ZXDC: variants seen among roughly 807,000 people sequenced by gnomAD.
The protein encoded by ZXDC is ZXD family zinc finger C, also known as zinc finger protein ZXDC.
ZXDC carries 58 observed loss-of-function variants against 63.6 expected under a neutral mutation model. The observed-to-expected ratio is 0.91, with a 90% CI of 0.74 to 1.13. The LOEUF is 1.13. ZXDC is among the 50% of genes most tolerant of loss of function. The probability of loss-of-function intolerance (pLI) is 0.00; values close to 1 mark genes in which losing one functional copy is unlikely to be tolerated. For missense variants in ZXDC, 1,133 were observed against 1,148.9 expected, an observed-to-expected ratio of 0.99 and a Z score of 0.20; for synonymous variants, 561 against 496.1, an observed-to-expected ratio of 1.13 and a Z score of -1.74.
At chr3:126,474,678 C>T (rs1392214189) in intron 1 of ZXDC, among the ~76,000 whole-genome samples, 2 of 152,238 alleles carry the variant, frequency 1.3e-5, no homozygotes, top group Non-Finnish European at 2.9e-5. Context: ...TGTGAAGATG[C>T]GTGCCGCTTT....
chr3:126,474,629 G>A (rs528061715), intron 1 of ZXDC, among the ~76,000 whole-genome samples: 4 of 151,670 alleles, frequency 2.6e-5, no homozygotes, highest in Non-Finnish European at 5.9e-5. Flanking sequence ...TGACGAGACT[G>A]AGGAAAATAA....
At chr3:126,473,408 C>G (rs1452804314) in intron 1 of ZXDC, among the ~76,000 whole-genome samples, 1 of 152,210 alleles carries the variant, frequency 6.6e-6, no homozygotes, top group Non-Finnish European at 1.5e-5. Flanking sequence ...GCTCCTGCTT[C>G]TAAACATCTA....
At chr3:126,461,158 G>C in intron 6 of ZXDC, 8 of 999,500 alleles carry the variant, frequency 8.0e-6, no homozygotes, top group Non-Finnish European at 9.5e-6. Context: ...AACCTCTGAA[G>C]GTGGCTTATG....
At chr3:126,471,278 T>A (rs1290190945) in intron 3 of ZXDC, among the ~76,000 whole-genome samples, 1 of 152,200 alleles carries the variant, frequency 6.6e-6, no homozygotes, top group African/African-American at 2.4e-5. Context: ...CAATCTAATA[T>A]AAGCTAATCT....
At chr3:126,474,235 T>G (rs921916775) in intron 1 of ZXDC, among the ~76,000 whole-genome samples, 2 of 151,940 alleles carry the variant, frequency 1.3e-5, no homozygotes, top group Non-Finnish European at 1.5e-5. Flanking sequence ...CGGCTAATTT[T>G]TTGTAGTTTT....
intron 4 of ZXDC, among the ~76,000 whole-genome samples, chr3:126,469,331 C>T (rs1353220803): frequency 2.6e-5 from 4 of 152,176 alleles, no homozygotes; most frequent in Admixed American, 2.0e-4. Context: ...ACCAGTGGCA[C>T]ATCCCCTGCC....
intron 9 of ZXDC, among the ~76,000 whole-genome samples, chr3:126,439,175 T>C (rs995181659): frequency 1.3e-5 from 2 of 152,378 alleles, no homozygotes; most frequent in Non-Finnish European, 2.9e-5. Context: ...GCATGGCTTA[T>C]TGTAAATATA....
chr3:126,467,609 C>G (rs951811876), intron 4 of ZXDC, among the ~76,000 whole-genome samples: 1 of 152,182 alleles, frequency 6.6e-6, no homozygotes, highest in Non-Finnish European at 1.5e-5. Context: ...TAGTTTTCAA[C>G]TACATTTTTC....
chr3:126,460,989 G>A (rs1328943456), intron 6 of ZXDC: 3 of 969,692 alleles, frequency 3.1e-6, no homozygotes, highest in Admixed American at 6.2e-5. Flanking sequence ...TATATTAAAT[G>A]TATAATTGAT....
intron 5 of ZXDC, among the ~76,000 whole-genome samples, chr3:126,465,249 G>C (rs1182650632): frequency 6.6e-6 from 1 of 152,250 alleles, no homozygotes; most frequent in African/African-American, 2.4e-5. Flanking sequence ...CCAGAGAATA[G>C]GGCACATGGG....
intron 4 of ZXDC, among the ~76,000 whole-genome samples, chr3:126,468,304 C>T (rs1934854283): frequency 7.0e-6 from 1 of 143,720 alleles, no homozygotes; most frequent in Non-Finnish European, 1.5e-5. Flanking sequence ...CTTGTCCTTT[C>T]CTCCTCCTCC....
rs755164232 is a variant in ZXDC at position 126,461,851 on chromosome 3, A to G, written c.1811T>C (p.Val604Ala). 1 of 1,614,060 alleles carries G rather than the reference A, an allele frequency of 6.2e-7. No homozygotes were observed. Among genetic ancestry groups the G allele is most frequent in the South Asian group, 1.1e-5 (1 of 91,070 alleles). ...CAGACAGCCTAATGCTCCTGCACTC[A>G]CAGTCTGCACGTCATCCACACTGAA... ...GSFSVDDVQT[V>A]SAGALGCLVA... Residue 604 changes from valine (V) to alanine (A), a missense_variant, in exon 6 of 10, where the codon GTG (valine) becomes GCG (alanine). By Grantham distance (64) the Val-to-Ala change is moderately conservative. Coordinates refer to ENST00000389709, the MANE Select transcript of ZXDC (RefSeq NM_025112.5).
rs7131 is a variant in ZXDC, at chr3:126,437,817, C to A, written c.*558G>T. The A allele has an allele frequency of 1.3e-5, 2 of 154,398 alleles. No homozygotes were observed. Among genetic ancestry groups the A allele is most frequent in the Non-Finnish European group, 2.9e-5 (2 of 69,430 alleles). The allele number at this position is 154,398 out of a possible 1,614,324, so 9.6% of individuals were successfully genotyped here. A position where few individuals can be genotyped will look rare whatever the true frequency, so the allele number is the denominator to read the frequency against. ...TCTGTCCCACCACATCATCCTCCCC[C>A]GAAAACTAGCTGCCCGACTGCTCTA... On this transcript the variant is annotated 3_prime_UTR_variant, in exon 10 of 10. Coordinates refer to ENST00000389709, the MANE Select transcript of ZXDC (RefSeq NM_025112.5).
At chr3:126,444,880 T>C (rs1344794747) in intron 7 of ZXDC, among the ~76,000 whole-genome samples, 3 of 152,354 alleles carry the variant, frequency 2.0e-5, no homozygotes, top group African/African-American at 4.8e-5. Flanking sequence ...TTGCTAGACA[T>C]GGTTACACTT....
At position 126,444,285 on chromosome 3, in the gene ZXDC, C is replaced by T. The variant is rs181379894; in HGVS notation, c.2213-2339G>A. ...CAGTGGCTCACGCCTGTAATCCCAG[C>T]GCTTTGGGAGGCCAAGGCGGGCAGA... is the stretch of plus-strand genomic sequence containing the variant. On this transcript the variant is annotated intron_variant, in intron 7 of 9. Coordinates refer to ENST00000389709, the MANE Select transcript of ZXDC (RefSeq NM_025112.5). Among the ~76,000 whole-genome samples the T allele has an allele frequency of 3.4e-3, 523 of 152,308 alleles. 1 individual carries two copies. The highest frequency in any genetic ancestry group is 6.0e-3 in the Non-Finnish European group (405 of 68,028).
intron 7 of ZXDC, chr3:126,451,219 T>G: frequency 1.0e-6 from 1 of 985,324 alleles, no homozygotes; most frequent in African/African-American, 1.7e-5. Context: ...ATCTTAACAC[T>G]CAGGAAAACA....
intron 7 of ZXDC, chr3:126,453,678 T>C: frequency 2.0e-6 from 2 of 985,362 alleles, no homozygotes; most frequent in African/African-American, 3.5e-5. Flanking sequence ...TTCCTGTATT[T>C]GTAATTAGCT....
chr3:126,474,942 C>T lies in ZXDC; in HGVS notation c.907+17G>A, dbSNP rs559926179. The T allele has an allele frequency of 6.4e-7, 1 of 1,550,614 alleles. No homozygotes were observed. The highest frequency in any genetic ancestry group is 1.2e-5 in the South Asian group (1 of 84,398). ...TGCAACACCGCGCAGCCCGCCCGCC[C>T]CCGAGAGCGCGGTTACCGGGAAAGT... On this transcript the variant is annotated intron_variant, in intron 1 of 9. Transcript: ENST00000389709.
In ZXDC at chr3:126,438,456, C is replaced by T. The variant is rs1933548190; in HGVS notation, c.2496G>A (p.Val832=). The T allele has an allele frequency of 1.9e-6, 3 of 1,613,142 alleles. No homozygotes were observed. Among genetic ancestry groups the T allele is most frequent in the African/African-American group, 1.3e-5 (1 of 74,904 alleles). Residue 832 remains valine, a synonymous_variant, in exon 10 of 10, where the codon GTG becomes GTA. Transcript: ENST00000389709. ...VDLPVYVLQE[V]LPSSGGPAGP... ...CAGCAGGGCCTCCAGATGAGGGGAG[C>T]ACCTCCTGCAAAACCAAGCATTGTC...
Sources: gnomAD v4.1 joint callset for allele counts (sites outside exome capture counted in the v4.1 genomes callset) on GRCh38, gnomAD v4.1.1 for gene constraint, MANE v1.5 for transcripts, NCBI Gene and HGNC (gene_info 2026-07-23, HGNC 2026-07-21) for gene names.